CPA6: variants seen among roughly 807,000 people sequenced by gnomAD.
CPA6 encodes the protein carboxypeptidase A6.
CPA6 carries 58 observed loss-of-function variants against 63.3 expected under a neutral mutation model. The observed-to-expected ratio is 0.92, with a 90% confidence interval of 0.74 to 1.14. The LOEUF is 1.14. Among genes scored for constraint, CPA6 ranks in the 50% most tolerant of loss-of-function variants. The pLI is 0.00. For missense variants in CPA6, 565 were observed against 526.6 expected (o/e 1.07, Z -0.71); for synonymous variants, 185 against 179.0 (o/e 1.03, Z -0.27).
At chr8:67,475,535 T>C (rs1425677133) in intron 8 of CPA6, among the ~76,000 whole-genome samples, 1 of 152,222 alleles carries the variant, frequency 6.6e-6, no homozygotes, top group Non-Finnish European at 1.5e-5. Flanking sequence ...AAGCAAAAGC[T>C]GCAGGCTTGC....
At chr8:67,640,757 G>T (rs1170446438) in intron 1 of CPA6, among the ~76,000 whole-genome samples, 1 of 151,446 alleles carries the variant, frequency 6.6e-6, no homozygotes, top group Non-Finnish European at 1.5e-5. Flanking sequence ...CCCAGCTCCT[G>T]CCCACTCTGT....
chr8:67,614,964 C>T (rs1025371179), intron 2 of CPA6, among the ~76,000 whole-genome samples: 3 of 152,182 alleles, frequency 2.0e-5, no homozygotes, highest in Non-Finnish European at 4.4e-5. Flanking sequence ...TTTCCCTATT[C>T]GCCCTGTGCA....
intron 8 of CPA6, among the ~76,000 whole-genome samples, chr8:67,480,845 A>G (rs1374925676): frequency 6.6e-6 from 1 of 152,098 alleles, no homozygotes; most frequent in Admixed American, 6.5e-5. Context: ...TTGTCTTTTT[A>G]TTATAGCCGT....
chr8:67,650,272 C>T (rs557045730), intron 1 of CPA6, among the ~76,000 whole-genome samples: 1 of 152,086 alleles, frequency 6.6e-6, no homozygotes, highest in Admixed American at 6.6e-5. Context: ...AACAGAAAAC[C>T]ACCTCAAATT....
At chr8:67,716,433 A>C (rs566290307) in intron 1 of CPA6, among the ~76,000 whole-genome samples, 2 of 152,326 alleles carry the variant, frequency 1.3e-5, no homozygotes, top group East Asian at 3.9e-4. Flanking sequence ...AAAGGTAGAT[A>C]AGAGACAAAT....
At chr8:67,670,240 C>T in intron 1 of CPA6, among the ~76,000 whole-genome samples, 1 of 152,124 alleles carries the variant, frequency 6.6e-6, no homozygotes, top group East Asian at 1.9e-4. Context: ...ATAATGGCTT[C>T]TGGGGAGGCC....
At chr8:67,712,475 A>G (rs941654505) in intron 1 of CPA6, among the ~76,000 whole-genome samples, 2 of 152,102 alleles carry the variant, frequency 1.3e-5, no homozygotes, top group Non-Finnish European at 2.9e-5. Flanking sequence ...ACAGGGTAGG[A>G]CAGTATTTGC....
chr8:67,462,902 A>G (rs895573432), intron 8 of CPA6, among the ~76,000 whole-genome samples: 1 of 152,224 alleles, frequency 6.6e-6, no homozygotes, highest in South Asian at 2.1e-4. Flanking sequence ...AAATATTTGT[A>G]GAATGACTCC....
chr8:67,425,928 G>C (rs1438796386), intron 10 of CPA6, among the ~76,000 whole-genome samples: 1 of 139,816 alleles, frequency 7.2e-6, no homozygotes, highest in Non-Finnish European at 1.5e-5. Context: ...ACAGAATCTC[G>C]CTCTGTCACC....
chr8:67,440,188 GC>G (rs368823932), intron 8 of CPA6, among the ~76,000 whole-genome samples: 87 of 152,270 alleles, frequency 5.7e-4, no homozygotes, highest in Middle Eastern at 3.4e-3. Flanking sequence ...ATCCTTCCTT[GC>G]CTCTTCCTAG....
At chr8:67,681,335 G>A (rs192223532) in intron 1 of CPA6, among the ~76,000 whole-genome samples, 1,576 of 147,698 alleles carry the variant, frequency 0.011, 11 homozygotes, top group Non-Finnish European at 0.015. Context: ...TCAGCCTCCC[G>A]AGTAGCTGGG....
At chr8:67,730,955 A>G (rs974192689) in intron 1 of CPA6, among the ~76,000 whole-genome samples, 1 of 152,238 alleles carries the variant, frequency 6.6e-6, no homozygotes, top group African/African-American at 2.4e-5. Context: ...CACCATAAAA[A>G]TTATCCATTC....
chr8:67,483,848 C>T lies in CPA6; in HGVS notation c.758G>A (p.Trp253Ter). 1 of 1,613,498 alleles carries T rather than the reference C, an allele frequency of 6.2e-7. No individual in the cohort carries two copies. Among genetic ancestry groups the T allele is most frequent in the Non-Finnish European group, 8.5e-7 (1 of 1,179,474 alleles). ...TGAGTTCCTTGACCTTGTTTTTCTC[C>T]AAAATCGATCCTAGACATAATTAAG... is the stretch of plus-strand genomic sequence containing the variant. ...YHFSWTNDRFWRKTRSRNSRF... is the reference protein window; with the variant it reads ...YHFSWTNDRF The change falls in exon 8 of 11, where the codon TGG becomes TAG. Residue 253 changes from tryptophan (W) to a stop codon, truncating the protein, a stop_gained. Coordinates refer to ENST00000297770, the MANE Select transcript of CPA6 (RefSeq NM_020361.5). LOFTEE classifies it high-confidence loss of function.
At chr8:67,681,195 A>ATTTTATTT in intron 1 of CPA6, among the ~76,000 whole-genome samples, 1 of 97,150 alleles carries the variant, frequency 1.0e-5, no homozygotes, top group South Asian at 3.3e-4. Flanking sequence ...GGTCACAAAG[A>ATTTTATTT]TTTTCTTTTT....
intron 2 of CPA6, among the ~76,000 whole-genome samples, chr8:67,553,105 T>C (rs528814317): frequency 7.4e-4 from 112 of 152,324 alleles, no homozygotes; most frequent in Non-Finnish European, 5.4e-4. Context: ...TGTTATCAAA[T>C]TGACTATGCT....
intron 1 of CPA6, among the ~76,000 whole-genome samples, chr8:67,637,839 C>T (rs1815504585): frequency 6.6e-6 from 1 of 151,272 alleles, no homozygotes. Flanking sequence ...GATTGATGGC[C>T]ATCAGCAATA....
chr8:67,436,284 C>T (rs1446273061), intron 8 of CPA6, among the ~76,000 whole-genome samples: 1 of 151,962 alleles, frequency 6.6e-6, no homozygotes, highest in Non-Finnish European at 1.5e-5. Flanking sequence ...GGGGTTGGAG[C>T]CCAGGGTAGG....
chr8:67,657,874 CT>C (rs1816022852), intron 1 of CPA6, among the ~76,000 whole-genome samples: 1 of 152,142 alleles, frequency 6.6e-6, no homozygotes. Context: ...CCAGGAGAGG[CT>C]TTGTGAGATG....
At chr8:67,566,815 C>G (rs573416550) in intron 2 of CPA6, among the ~76,000 whole-genome samples, 2 of 151,724 alleles carry the variant, frequency 1.3e-5, no homozygotes, top group Non-Finnish European at 2.9e-5. Flanking sequence ...TGCATGAACT[C>G]TAACCTCTTC....
Sources: allele counts gnomAD v4.1 joint callset (sites outside exome capture counted in the v4.1 genomes callset), GRCh38; gene constraint gnomAD v4.1.1; transcripts MANE v1.5; gene names NCBI Gene and HGNC (gene_info 2026-07-23, HGNC 2026-07-21).